The following ELMOD1 variants were observed in gnomAD, a reference collection of about 807,000 sequenced individuals.
The protein encoded by ELMOD1 is ELMO domain containing 1.
A neutral mutation model predicts 46.7 loss-of-function variants in ELMOD1; 21 were observed. That is an observed-to-expected ratio of 0.45 (90% confidence interval 0.32 to 0.65). The LOEUF (loss-of-function observed/expected upper bound fraction) is 0.65, where lower values mean the gene tolerates loss of function less well. Ranked by LOEUF, ELMOD1 falls within the 30% of genes least tolerant of loss-of-function variation. ELMOD1 has a pLI of 0.04. For missense variants in ELMOD1, 348 were observed against 407.8 expected, an observed-to-expected ratio of 0.85 and a Z score of 1.26; for synonymous variants, 122 against 138.2, an observed-to-expected ratio of 0.88 and a Z score of 0.82.
chr11:107,630,617 C>T (rs1390013952), intron 3 of ELMOD1, 55 bp downstream of exon 3: 17 of 1,601,496 alleles, frequency 1.1e-5, no homozygotes, highest in East Asian at 2.2e-5. Context: ...ATGGAAGATA[C>T]GATGTTGTCT....
Position 107,654,341 on chromosome 11 carries a change from G to C in ELMOD1, c.698+119G>C, listed in dbSNP as rs992932929. 9 of 872,048 alleles carry C rather than the reference G, an allele frequency of 1.0e-5. No homozygotes were observed. In the African/African-American group the frequency reaches 1.2e-4, roughly 11 times the overall value. 54.0% of individuals were successfully genotyped at this position (872,048 alleles called of 1,614,324 possible). A position where few individuals can be genotyped will look rare whatever the true frequency, so the allele number is the denominator to read the frequency against. Reference sequence around the variant, plus strand: ...TTGTCCTAATAGAAATATACAATCTGGTTAAAATGTTTAAAGTACCCTTCT... The same window carrying C: ...TTGTCCTAATAGAAATATACAATCTCGTTAAAATGTTTAAAGTACCCTTCT... On this transcript the variant is annotated intron_variant, in intron 10 of 11. Coordinates refer to ENST00000265840, the MANE Select transcript of ELMOD1 (RefSeq NM_018712.4).
chr11:107,647,541 A>G lies in ELMOD1; in HGVS notation c.494A>G (p.Gln165Arg). ...ISKQWCEIGF[Q>R]GDDPKTDFRG... is the part of the protein sequence containing the mutation. ...AAGCAGTGGTGTGAAATTGGTTTCC[A>G]AGGTGATGATCCTAAAACAGACTTT... Residue 165 changes from glutamine (Q) to arginine (R), a missense_variant, in exon 7 of 12, where the codon CAA (glutamine) becomes CGA (arginine). Coordinates refer to ENST00000265840, the MANE Select transcript of ELMOD1 (RefSeq NM_018712.4). The G allele has an allele frequency of 6.2e-7, 1 of 1,613,810 alleles. No individual in the cohort carries two copies.
intron 6 of ELMOD1, chr11:107,643,004 A>G (rs1198342351): frequency 4.1e-6 from 1 of 241,826 alleles, no homozygotes; most frequent in Non-Finnish European, 8.7e-6. Flanking sequence ...AAAATGACAC[A>G]AAAATGTTTC....
At chr11:107,622,918 T>C (rs1487114262) in intron 2 of ELMOD1, among the ~76,000 whole-genome samples, 1 of 152,216 alleles carries the variant, frequency 6.6e-6, no homozygotes, top group Non-Finnish European at 1.5e-5. Context: ...CATGTATGTG[T>C]GCATATATAT....
At chr11:107,654,576 T>C (rs1398345682) in intron 10 of ELMOD1, among the ~76,000 whole-genome samples, 1 of 152,056 alleles carries the variant, frequency 6.6e-6, no homozygotes, top group Admixed American at 6.5e-5. Context: ...GAGACCATCC[T>C]GGCTAACACG....
In ELMOD1 at chr11:107,665,150, G is replaced by A. The variant is rs577551139; in HGVS notation, c.958G>A (p.Ala320Thr). Reference protein sequence around the residue: ...IIKQLQNPDMALCPHFAASEG... With the variant: ...IIKQLQNPDMTLCPHFAASEG... Reference sequence around the variant, plus strand: ...CAAACAGCTGCAGAACCCAGACATGGCGCTGTGCCCACATTTTGCTGCCTC... The same window carrying A: ...CAAACAGCTGCAGAACCCAGACATGACGCTGTGCCCACATTTTGCTGCCTC... Residue 320 changes from alanine (A) to threonine (T), a missense_variant, in exon 12 of 12, where the codon GCG becomes ACG. By Grantham distance (58) the Ala-to-Thr change is moderately conservative. Transcript: ENST00000265840. 4.3e-6 allele frequency: 7 copies of A among 1,613,844 alleles called. No homozygotes were observed. Among genetic ancestry groups the A allele is most frequent in the African/African-American group, 4.0e-5 (3 of 74,914 alleles).
intron 1 of ELMOD1, among the ~76,000 whole-genome samples, chr11:107,598,151 G>T (rs139860980): frequency 6.6e-6 from 1 of 152,096 alleles, no homozygotes; most frequent in Non-Finnish European, 1.5e-5. Context: ...CCAGAAAAAA[G>T]GAGATATATT....
chr11:107,603,844 C>G (rs1176228737), intron 1 of ELMOD1, among the ~76,000 whole-genome samples: 1 of 151,038 alleles, frequency 6.6e-6, no homozygotes, highest in Non-Finnish European at 1.5e-5. Flanking sequence ...CACCACTGCA[C>G]TCCAGCCTGG....
At chr11:107,636,602 A>G (rs973937009) in intron 6 of ELMOD1, among the ~76,000 whole-genome samples, 4 of 152,224 alleles carry the variant, frequency 2.6e-5, no homozygotes, top group African/African-American at 9.6e-5. Flanking sequence ...CCTTTATTTT[A>G]TTGAAAAATG....
intron 1 of ELMOD1, among the ~76,000 whole-genome samples, chr11:107,609,978 T>C (rs1865748888): frequency 6.6e-6 from 1 of 152,234 alleles, no homozygotes; most frequent in South Asian, 2.1e-4. Context: ...GTTTTATTAG[T>C]ACTGTGATTG....
At chr11:107,635,849 G>A in intron 6 of ELMOD1, 84 bp downstream of exon 6, 11 of 1,382,430 alleles carry the variant, frequency 8.0e-6, no homozygotes, top group Non-Finnish European at 1.1e-5. Context: ...CGCTGCTCTG[G>A]ACATCAGGGG....
intron 10 of ELMOD1, among the ~76,000 whole-genome samples, chr11:107,654,554 G>A (rs1024389009): frequency 5.3e-5 from 8 of 152,082 alleles, no homozygotes; most frequent in Non-Finnish European, 8.8e-5. Context: ...CGGATCACGA[G>A]GTCAGGAGAT....
intron 9 of ELMOD1, among the ~76,000 whole-genome samples, chr11:107,652,185 T>A (rs1288114412): frequency 6.6e-6 from 1 of 152,206 alleles, no homozygotes; most frequent in African/African-American, 2.4e-5. Context: ...TAAAAGTATA[T>A]ATGGATTGAT....
At chr11:107,613,789 C>T (rs1865817704) in intron 1 of ELMOD1, among the ~76,000 whole-genome samples, 1 of 152,158 alleles carries the variant, frequency 6.6e-6, no homozygotes, top group Non-Finnish European at 1.5e-5. Flanking sequence ...CTTTTTCAAT[C>T]ATATCCTAAT....
At chr11:107,597,879 T>C (rs1206784024) in intron 1 of ELMOD1, among the ~76,000 whole-genome samples, 2 of 152,206 alleles carry the variant, frequency 1.3e-5, no homozygotes, top group African/African-American at 4.8e-5. Context: ...TGATGATATG[T>C]ATTTTGAGTA....
At chr11:107,659,613 G>A (rs1312788684) in intron 11 of ELMOD1, among the ~76,000 whole-genome samples, 1 of 135,810 alleles carries the variant, frequency 7.4e-6, no homozygotes, top group Non-Finnish European at 1.5e-5. Context: ...GCCTGGTACA[G>A]GGTAAAGGTG....
chr11:107,642,428 G>T (rs1490290461), intron 6 of ELMOD1, among the ~76,000 whole-genome samples: 3 of 149,946 alleles, frequency 2.0e-5, no homozygotes, highest in Non-Finnish European at 4.5e-5. Flanking sequence ...GAGTGCAGTG[G>T]CACGATCTCG....
chr11:107,613,704 C>T (rs1294779701), intron 1 of ELMOD1, among the ~76,000 whole-genome samples: 10 of 152,108 alleles, frequency 6.6e-5, no homozygotes, highest in Non-Finnish European at 1.2e-4. Context: ...CTTAACAGTA[C>T]AGAATTGTTA....
intron 2 of ELMOD1, among the ~76,000 whole-genome samples, chr11:107,628,682 T>A (rs1343676939): frequency 6.6e-6 from 1 of 151,842 alleles, no homozygotes; most frequent in Non-Finnish European, 1.5e-5. Flanking sequence ...GACTTTGTAC[T>A]GACTATACAT....
Sources: gnomAD v4.1 joint callset for allele counts (sites outside exome capture counted in the v4.1 genomes callset) on GRCh38, gnomAD v4.1.1 for gene constraint, MANE v1.5 for transcripts, NCBI Gene and HGNC (gene_info 2026-07-23, HGNC 2026-07-21) for gene names.